Variants in GLT8D2 observed in about 807,000 individuals in gnomAD.
The protein encoded by GLT8D2 is glycosyltransferase 8 domain containing 2, also known as glycosyltransferase 8 domain-containing protein 2.
Under a neutral mutation model 44.5 loss-of-function variants are expected in GLT8D2, and 45 were observed. That is an observed-to-expected ratio of 1.01 (90% CI 0.80 to 1.30). The LOEUF is 1.30. Ranked by LOEUF, GLT8D2 falls within the 50% of genes most tolerant of loss-of-function variation. The pLI, the probability that GLT8D2 is intolerant of heterozygous loss-of-function variation, is 0.00. For missense variants in GLT8D2, 400 were observed against 430.4 expected, an observed-to-expected ratio of 0.93 and a Z score of 0.62; for synonymous variants, 156 against 157.2, an observed-to-expected ratio of 0.99 and a Z score of 0.06.
Position 103,999,515 on chromosome 12 carries a change from C to A in GLT8D2, c.285-1G>T. 6.3e-7 allele frequency: 1 copy of A among 1,588,762 alleles called. No individual in the cohort carries two copies. The highest frequency in any genetic ancestry group is 8.6e-7 in the Non-Finnish European group (1 of 1,159,202). On this transcript the variant is annotated splice_acceptor_variant, in intron 5 of 10. Transcript: ENST00000360814. LOFTEE classifies it high-confidence loss of function. The stretch of plus-strand genomic sequence containing the variant: ...CAGTTTGGAATGTTCAATCCATTTT[C>A]TAAAAAGATGACCAAAAAAACCTCT...
intron 4 of GLT8D2, among the ~76,000 whole-genome samples, chr12:104,011,625 G>A (rs1345460359): frequency 2.6e-5 from 4 of 152,156 alleles, no homozygotes; most frequent in Non-Finnish European, 4.4e-5. Context: ...TTACTTGAAC[G>A]TAGGACTTCA....
chr12:104,026,020 T>G (rs1400896734), intron 1 of GLT8D2, among the ~76,000 whole-genome samples: 1 of 152,172 alleles, frequency 6.6e-6, no homozygotes, highest in African/African-American at 2.4e-5. Context: ...GGCTCACAAC[T>G]GTAATTCCAG....
chr12:104,060,748 C>T (rs571747261), intron 1 of GLT8D2, among the ~76,000 whole-genome samples: 186 of 152,018 alleles, frequency 1.2e-3, no homozygotes, highest in African/African-American at 4.1e-3. Context: ...CATGGTAAAA[C>T]CTCATCTCTA....
At chr12:104,042,039 A>G (rs1593569024) in intron 1 of GLT8D2, among the ~76,000 whole-genome samples, 1 of 152,352 alleles carries the variant, frequency 6.6e-6, no homozygotes, top group East Asian at 1.9e-4. Context: ...GGCACTTGGT[A>G]GTGTGGCAGC....
At chr12:104,020,408 A>T (rs762215373) in intron 2 of GLT8D2, among the ~76,000 whole-genome samples, 1 of 152,096 alleles carries the variant, frequency 6.6e-6, no homozygotes, top group Non-Finnish European at 1.5e-5. Context: ...AATCCCTTGG[A>T]GGGGCATGCA....
At chr12:104,007,267 C>CTCTCTCTCTCTCTCTCT (rs1487433634) in intron 4 of GLT8D2, among the ~76,000 whole-genome samples, 1 of 13,648 alleles carries the variant, frequency 7.3e-5, no homozygotes, top group Non-Finnish European at 1.9e-4. Flanking sequence ...TCTCTCTCTC[C>CTCTCTCTCTCTCTCTCT]CCCCGCTCTC....
At chr12:104,021,942 GAA>G (rs1566202488) in intron 1 of GLT8D2, among the ~76,000 whole-genome samples, 413 of 26,034 alleles carry the variant, frequency 0.016, 64 homozygotes, top group East Asian at 0.088. Context: ...AGAAGAAGAA[GAA>G]GAAGAAGAAG....
intron 10 of GLT8D2, among the ~76,000 whole-genome samples, chr12:103,990,133 A>C (rs2464126): frequency 0.89 from 122,119 of 136,462 alleles, 54,570 homozygotes; most frequent in East Asian, 0.99. Context: ...ATATATATAT[A>C]TGTAGGATAA....
At position 104,031,394 on chromosome 12, in the gene GLT8D2, A is replaced by G; in HGVS notation, c.-163-9903T>C. ...GGAGGGTCTCTCTGAAGAGGCTATC[A>G]TGGAGCTGAACCTGCCGACTGGTAT... is the stretch of plus-strand genomic sequence containing the variant. On this transcript the variant is annotated intron_variant, in intron 1 of 10. Coordinates refer to ENST00000360814, the MANE Select transcript of GLT8D2 (RefSeq NM_001384711.1). 6.2e-6 allele frequency: 10 copies of G among 1,610,162 alleles called. No individual in the cohort carries two copies. The South Asian group carries it at 9.9e-5, about 16-fold the overall frequency.
intron 6 of GLT8D2, among the ~76,000 whole-genome samples, chr12:103,999,025 G>A (rs559163936): frequency 1.3e-5 from 2 of 152,202 alleles, no homozygotes; most frequent in South Asian, 2.1e-4. Context: ...CGGACACTCC[G>A]AGGCAGCTTT....
At chr12:103,991,431 A>C (rs1566188078) in intron 10 of GLT8D2, among the ~76,000 whole-genome samples, 2 of 151,970 alleles carry the variant, frequency 1.3e-5, no homozygotes, top group South Asian at 4.2e-4. Context: ...CAAGTGATCC[A>C]CCCGCTTCAA....
intron 1 of GLT8D2, among the ~76,000 whole-genome samples, chr12:104,034,854 C>T (rs1269594174): frequency 2.0e-5 from 3 of 152,246 alleles, no homozygotes; most frequent in Admixed American, 2.0e-4. Context: ...GGGTCCCTGA[C>T]CCCCATGTAG....
chr12:104,057,455 AGGTTGT>A (rs1314469897), intron 1 of GLT8D2, among the ~76,000 whole-genome samples: 22 of 152,070 alleles, frequency 1.4e-4, no homozygotes, highest in African/African-American at 5.3e-4. Flanking sequence ...TGGGAGGTCA[AGGTTGT>A]GGTGAGCTGT....
At chr12:104,020,335 C>G (rs1016269766) in intron 2 of GLT8D2, among the ~76,000 whole-genome samples, 1 of 152,030 alleles carries the variant, frequency 6.6e-6, no homozygotes, top group Non-Finnish European at 1.5e-5. Flanking sequence ...AAATATCAAC[C>G]CTATGCCATC....
At chr12:104,025,738 T>C (rs1464042201) in intron 1 of GLT8D2, among the ~76,000 whole-genome samples, 1 of 152,222 alleles carries the variant, frequency 6.6e-6, no homozygotes, top group East Asian at 1.9e-4. Flanking sequence ...AAGCCATTTG[T>C]TGAGACCATT....
At chr12:104,044,167 C>T (rs140677225) in intron 1 of GLT8D2, among the ~76,000 whole-genome samples, 141 of 152,292 alleles carry the variant, frequency 9.3e-4, no homozygotes, top group African/African-American at 3.2e-3. Flanking sequence ...GCCTTGGCCA[C>T]GTGCTATTCC....
chr12:104,035,993 G>A (rs1395035882), intron 1 of GLT8D2, among the ~76,000 whole-genome samples: 4 of 152,224 alleles, frequency 2.6e-5, no homozygotes, highest in Admixed American at 6.5e-5. Context: ...CTACAAGCTA[G>A]AAGAGAGTGG....
At chr12:104,062,603 C>T (rs1263592621) in intron 1 of GLT8D2, among the ~76,000 whole-genome samples, 2 of 152,106 alleles carry the variant, frequency 1.3e-5, no homozygotes, top group African/African-American at 4.8e-5. Flanking sequence ...AAATTGCTTT[C>T]AATTTTTTCT....
At chr12:104,009,751 G>A (rs879581291) in intron 4 of GLT8D2, among the ~76,000 whole-genome samples, 1 of 152,154 alleles carries the variant, frequency 6.6e-6, no homozygotes, top group Admixed American at 6.5e-5. Context: ...GTGAATCATG[G>A]GGATGGTTTC....
Sources: gnomAD v4.1 joint callset for allele counts (sites outside exome capture counted in the v4.1 genomes callset) on GRCh38, gnomAD v4.1.1 for gene constraint, MANE v1.5 for transcripts, NCBI Gene and HGNC (gene_info 2026-07-23, HGNC 2026-07-21) for gene names.